ABCA13: variants seen among roughly 807,000 people sequenced by gnomAD.
ABCA13 encodes the protein ATP-binding cassette sub-family A member 13.
Under a neutral mutation model 478.7 loss-of-function variants are expected in ABCA13, and 476 were observed. The observed-to-expected ratio is 0.99, with a 90% CI of 0.92 to 1.07. The LOEUF (loss-of-function observed/expected upper bound fraction) is 1.07, where lower values mean the gene tolerates loss of function less well. Among genes scored for constraint, ABCA13 ranks in the 50% least tolerant of loss-of-function variants. The pLI is 0.00. For synonymous variants in ABCA13, 2,252 were observed against 2,158.9 expected (o/e 1.04, Z -1.20); for missense variants, 6,060 against 5,910.6 (o/e 1.03, Z -0.83).
intron 20 of ABCA13, among the ~76,000 whole-genome samples, chr7:48,295,370 T>C (rs749702595): frequency 3.3e-5 from 5 of 152,232 alleles, no homozygotes; most frequent in African/African-American, 9.6e-5. Context: ...ATTTTTTAAA[T>C]TGAGTTATTT....
At chr7:48,635,658 G>A (rs373200596) in intron 59 of ABCA13, among the ~76,000 whole-genome samples, 1 of 152,190 alleles carries the variant, frequency 6.6e-6, no homozygotes, top group African/African-American at 2.4e-5. Flanking sequence ...GCTGGGGCCA[G>A]AATGAGAGGG....
At chr7:48,484,345 A>T (rs1467184290) in intron 47 of ABCA13, among the ~76,000 whole-genome samples, 1 of 152,244 alleles carries the variant, frequency 6.6e-6, no homozygotes, top group Non-Finnish European at 1.5e-5. Context: ...TCTAAAGACA[A>T]CACACATTCA....
At chr7:48,291,789 C>T (rs1339421385) in intron 20 of ABCA13, among the ~76,000 whole-genome samples, 3 of 152,144 alleles carry the variant, frequency 2.0e-5, no homozygotes, top group Admixed American at 6.6e-5. Flanking sequence ...CACCACTCCA[C>T]CTGCTCAGTC....
At chr7:48,234,177 A>T in intron 8 of ABCA13, 26 bp downstream of exon 8, 1 of 1,613,540 alleles carries the variant, frequency 6.2e-7, no homozygotes, top group Non-Finnish European at 8.5e-7. Context: ...TGCTTCTCAC[A>T]CCGCTGGGCC....
intron 27 of ABCA13, among the ~76,000 whole-genome samples, chr7:48,317,976 C>T (rs959160835): frequency 6.6e-6 from 1 of 152,078 alleles, no homozygotes; most frequent in African/African-American, 2.4e-5. Flanking sequence ...TACTAGGGGG[C>T]CTGTAAGCCT....
chr7:48,482,656 C>T (rs564309793), intron 46 of ABCA13, among the ~76,000 whole-genome samples: 5 of 152,084 alleles, frequency 3.3e-5, no homozygotes, highest in Admixed American at 6.5e-5. Flanking sequence ...GGCCTCCCAA[C>T]GTGCTGGGAT....
At chr7:48,368,687 G>GTGTA (rs1350848715) in intron 32 of ABCA13, among the ~76,000 whole-genome samples, 70 of 122,752 alleles carry the variant, frequency 5.7e-4, no homozygotes, top group African/African-American at 2.1e-3. Flanking sequence ...GTGTGTATGT[G>GTGTA]TATATATATA....
intron 56 of ABCA13, among the ~76,000 whole-genome samples, chr7:48,584,904 C>T (rs1400057085): frequency 7.2e-5 from 11 of 151,948 alleles, no homozygotes; most frequent in Admixed American, 2.0e-4. Flanking sequence ...GACTTTTTTC[C>T]GACAGATAAA....
intron 10 of ABCA13, among the ~76,000 whole-genome samples, chr7:48,242,816 T>G (rs1791053288): frequency 6.6e-6 from 1 of 152,220 alleles, no homozygotes; most frequent in South Asian, 2.1e-4. Context: ...ATCATTAGCT[T>G]TGGTCCAAGA....
intron 8 of ABCA13, among the ~76,000 whole-genome samples, chr7:48,236,248 A>G (rs1016032700): frequency 2.6e-5 from 4 of 152,176 alleles, no homozygotes; most frequent in Admixed American, 2.0e-4. Context: ...TTTTGCAGAG[A>G]AATCTCCCAG....
At chr7:48,430,189 T>C (rs76906975) in intron 42 of ABCA13, among the ~76,000 whole-genome samples, 23,464 of 152,192 alleles carry the variant, frequency 0.15, 2,310 homozygotes, top group East Asian at 0.22. Flanking sequence ...GGTAGGTTTT[T>C]TAATTATGAT....
Position 48,594,393 on chromosome 7 carries a change from C to T in ABCA13, c.14641-317C>T, listed in dbSNP as rs970842169. 5.3e-5 allele frequency among the ~76,000 whole-genome samples: 8 copies of T among 151,756 alleles called. No homozygotes were observed. The East Asian group carries it at 1.2e-3, about 22-fold the overall frequency. ...TTTATTTCATTTTATTTTTCTGCGCCAGTATTTCTATTTGGTTCTTTTTTT... is the reference window on the plus strand; with the variant it reads ...TTTATTTCATTTTATTTTTCTGCGCTAGTATTTCTATTTGGTTCTTTTTTT... On this transcript the variant is annotated intron_variant, in intron 57 of 61. Transcript: ENST00000435803.
At chr7:48,412,195 G>T (rs1224170631) in intron 40 of ABCA13, among the ~76,000 whole-genome samples, 158 bp from the exon 41 acceptor site, 4 of 152,106 alleles carry the variant, frequency 2.6e-5, no homozygotes, top group Non-Finnish European at 5.9e-5. Context: ...AAAAATACGA[G>T]ATGTCATTGA....
chr7:48,235,015 C>T (rs556892867), intron 8 of ABCA13, among the ~76,000 whole-genome samples: 1 of 152,308 alleles, frequency 6.6e-6, no homozygotes, highest in East Asian at 1.9e-4. Flanking sequence ...AGTTTGTGTT[C>T]AGACTGTTGC....
chr7:48,295,197 T>G (rs1799195752), intron 20 of ABCA13, among the ~76,000 whole-genome samples: 1 of 152,200 alleles, frequency 6.6e-6, no homozygotes, highest in Admixed American at 6.5e-5. Context: ...CACTCGTTAT[T>G]TCTTGTCTTT....
chr7:48,174,116 C>T (rs1452301544), intron 1 of ABCA13, among the ~76,000 whole-genome samples: 3 of 152,188 alleles, frequency 2.0e-5, no homozygotes, highest in Admixed American at 2.0e-4. Context: ...TCCCATTCTC[C>T]AATGATAATC....
In ABCA13 at chr7:48,279,315, T is replaced by C. The variant is rs773668594; in HGVS notation, c.8121T>C (p.Asp2707=). 51 of 1,587,182 alleles carry C rather than the reference T, an allele frequency of 3.2e-5. No homozygotes were observed. The highest frequency in any genetic ancestry group is 4.3e-5 in the Non-Finnish European group (50 of 1,164,666). Residue 2707 remains aspartate (D), a synonymous_variant, in exon 18 of 62, where the codon GAT becomes GAC. Transcript: ENST00000435803. ...NPISTHSGPQ[D]IKWEIIHEVI... ...TTTCCACTCATAGTGGCCCTCAAGA[T>C]ATAAAATGGGAAATAATTCATGAAG...
chr7:48,643,400 C>T lies in ABCA13; in HGVS notation c.14943+7C>T. 6.3e-7 allele frequency: 1 copy of T among 1,584,908 alleles called. No homozygotes were observed. Among genetic ancestry groups the T allele is most frequent in the Non-Finnish European group, 8.7e-7 (1 of 1,154,670 alleles). ...TCCAGGAATTCAGTTCAAGGTAGTG[C>T]TAATATCTTGTATTATTTCTTTGTT... On this transcript the variant is annotated splice_region_variant and intron_variant, in intron 60 of 61. Transcript: ENST00000435803.
At chr7:48,587,945 T>A (rs1388312114) in intron 57 of ABCA13, among the ~76,000 whole-genome samples, 1 of 152,254 alleles carries the variant, frequency 6.6e-6, no homozygotes, top group Non-Finnish European at 1.5e-5. Flanking sequence ...TAAAGGCTAT[T>A]GTTACATGCC....
Sources: allele counts gnomAD v4.1 joint callset (sites outside exome capture counted in the v4.1 genomes callset), GRCh38; gene constraint gnomAD v4.1.1; transcripts MANE v1.5; gene names NCBI Gene and HGNC (gene_info 2026-07-23, HGNC 2026-07-21).